The following ASB2 variants were observed in gnomAD, a reference collection of about 807,000 sequenced individuals.
ASB2 encodes ankyrin repeat and SOCS box protein 2.
Under a neutral mutation model 62.4 loss-of-function variants are expected in ASB2, and 58 were observed. The observed-to-expected ratio is 0.93, with a 90% CI of 0.75 to 1.16. ASB2 has a LOEUF of 1.16. ASB2 is among the 50% of genes most tolerant of loss of function. ASB2 has a pLI of 0.00. For synonymous variants in ASB2, 386 were observed against 385.3 expected (o/e 1.00, Z -0.02); for missense variants, 928 against 887.9 (o/e 1.05, Z -0.57).
rs1025482375 is a variant in ASB2 at position 93,941,633 on chromosome 14, G to A, written c.1053-1961C>T. ...AGGCCTGGGCCTCACCCTGGATGGC[G>A]GCCACGGCCAACAAATGCTCTGCTA... On this transcript the variant is annotated intron_variant, in intron 7 of 9. Transcript: ENST00000555019. 25 of 455,936 alleles carry A rather than the reference G, an allele frequency of 5.5e-5. 1 individual carries two copies. The highest frequency in any genetic ancestry group is 1.1e-4 in the South Asian group (7 of 64,566). 28.2% of individuals were successfully genotyped at this position (455,936 alleles called of 1,614,324 possible). A position where few individuals can be genotyped will look rare whatever the true frequency, so the allele number is the denominator to read the frequency against.
intron 1 of ASB2, among the ~76,000 whole-genome samples, chr14:93,971,946 C>T (rs534347214): frequency 3.1e-4 from 46 of 149,840 alleles, no homozygotes; most frequent in African/African-American, 1.0e-3. Flanking sequence ...ACTACATACA[C>T]GCTACATGTA....
intron 7 of ASB2, chr14:93,940,061 G>T (rs1178957668): frequency 4.9e-6 from 1 of 202,370 alleles, no homozygotes; most frequent in Non-Finnish European, 9.8e-6. Context: ...CAGGCTAAGC[G>T]CTGTTGCCCA....
At chr14:93,951,358 A>G in intron 5 of ASB2, 114 bp from the exon 6 acceptor site, 2 of 1,274,138 alleles carry the variant, frequency 1.6e-6, no homozygotes, top group Non-Finnish European at 2.1e-6. Flanking sequence ...TTTCCACTGC[A>G]TGTGTATTAA....
chr14:93,954,521 G>T, intron 3 of ASB2, 38 bp from the exon 4 acceptor site: 1 of 1,604,242 alleles, frequency 6.2e-7, no homozygotes, highest in South Asian at 1.1e-5. Flanking sequence ...TCAAGGTCAG[G>T]CCAAGGCCAG....
At chr14:93,965,890 TC>T (rs1889575052) in intron 1 of ASB2, among the ~76,000 whole-genome samples, 1 of 152,212 alleles carries the variant, frequency 6.6e-6, no homozygotes, top group Non-Finnish European at 1.5e-5. Flanking sequence ...GAGAAGAGCT[TC>T]CCACTGGAGC....
intron 1 of ASB2, among the ~76,000 whole-genome samples, chr14:93,975,392 G>A (rs138306817): frequency 6.6e-6 from 1 of 152,178 alleles, no homozygotes; most frequent in African/African-American, 2.4e-5. Context: ...AAGGGGAATG[G>A]GCCACTGAAA....
chr14:93,934,786 G>A lies in ASB2; in HGVS notation c.1778C>T (p.Pro593Leu), dbSNP rs1476321701. The change falls in exon 10 of 10, where the codon CCA becomes CTA. Residue 593 changes from proline (P) to leucine (L), a missense_variant. Physicochemically the swap from Pro to Leu is moderately conservative, Grantham distance 98. Coordinates refer to ENST00000555019, the MANE Select transcript of ASB2 (RefSeq NM_001202429.2). ...WAVIKEKAEP[P>L]RPLAHLCRLR... ...TCGGCAAAGGTGAGCCAGAGGTCTTGGAGGTTCTGAAAAAAGGAGGGAAAG... is the reference window on the plus strand; with the variant it reads ...TCGGCAAAGGTGAGCCAGAGGTCTTAGAGGTTCTGAAAAAAGGAGGGAAAG... 6.2e-7 allele frequency: 1 copy of A among 1,613,272 alleles called. No individual in the cohort carries two copies. Among genetic ancestry groups the A allele is most frequent in the South Asian group, 1.1e-5 (1 of 91,076 alleles).
At chr14:93,965,138 C>T (rs1889549073) in intron 1 of ASB2, among the ~76,000 whole-genome samples, 1 of 152,222 alleles carries the variant, frequency 6.6e-6, no homozygotes, top group African/African-American at 2.4e-5. Context: ...TCACATCCAC[C>T]CACCATACAT....
At chr14:93,955,892 C>G (rs1889177609) in intron 3 of ASB2, among the ~76,000 whole-genome samples, 2 of 152,176 alleles carry the variant, frequency 1.3e-5, no homozygotes. Flanking sequence ...GACAGCGACT[C>G]TCAGGCAGTC....
At chr14:93,952,303 C>T (rs974862190) in intron 5 of ASB2, among the ~76,000 whole-genome samples, 10 of 152,184 alleles carry the variant, frequency 6.6e-5, no homozygotes, top group Admixed American at 1.3e-4. Context: ...CTGTGGGCTG[C>T]CCAGCTTCCT....
intron 4 of ASB2, among the ~76,000 whole-genome samples, chr14:93,953,866 G>A (rs1455433268): frequency 4.6e-5 from 7 of 152,202 alleles, no homozygotes; most frequent in African/African-American, 1.7e-4. Flanking sequence ...CAGGGCAGAG[G>A]TGACACCTGC....
Position 93,954,322 on chromosome 14 carries a change from T to C in ASB2, c.473A>G (p.Gln158Arg), listed in dbSNP as rs1454466900. ...YGQVGCLKVL[Q>R]RAYPGTIDQR... ...CGTCAGAGCCCAGCCCTCACCTCGC[T>C]GCAGGACTTTCAGGCAGCCCACCTG... The change falls in exon 4 of 10, where the codon CAG becomes CGG. Residue 158 changes from glutamine (Q) to arginine (R), a missense_variant. Gln to Arg is a conservative substitution (Grantham distance 43). Coordinates refer to ENST00000555019, the MANE Select transcript of ASB2 (RefSeq NM_001202429.2). The C allele has an allele frequency of 6.8e-6, 11 of 1,613,214 alleles. No individual in the cohort carries two copies. Among genetic ancestry groups the C allele is most frequent in the Non-Finnish European group, 9.3e-6 (11 of 1,179,816 alleles).
At chr14:93,950,839 C>T (rs868638139) in intron 6 of ASB2, among the ~76,000 whole-genome samples, 160 bp downstream of exon 6, 1 of 152,188 alleles carries the variant, frequency 6.6e-6, no homozygotes. Context: ...TGGACACAGC[C>T]TCAGCATCTT....
rs1237689676 is a variant in ASB2 at position 93,939,424 on chromosome 14, C to A, written c.1301G>T (p.Gly434Val). 1 of 1,612,856 alleles carries A rather than the reference C, an allele frequency of 6.2e-7. No homozygotes were observed. The highest frequency in any genetic ancestry group is 2.2e-5 in the East Asian group (1 of 44,868). The change falls in exon 8 of 10, where the codon GGC (glycine) becomes GTC (valine). Residue 434 changes from glycine to valine, a missense_variant. Coordinates refer to ENST00000555019, the MANE Select transcript of ASB2 (RefSeq NM_001202429.2). ...GATGACGTCGCGGTTGGGGTCGGCG[C>A]CGTGTTGCAGCAGCAGCTCGGTGGC... ...VYATELLLQHGADPNRDVISP... is the reference protein window; with the variant it reads ...VYATELLLQHVADPNRDVISP...
intron 7 of ASB2, 73 bp downstream of exon 7, chr14:93,947,276 C>T (rs1306644067): frequency 1.9e-6 from 3 of 1,540,344 alleles, no homozygotes; most frequent in Non-Finnish European, 1.8e-6. Flanking sequence ...AGGGCAGGCC[C>T]ACCCCTCCAA....
intron 2 of ASB2, among the ~76,000 whole-genome samples, chr14:93,962,763 G>C (rs1449369250): frequency 1.3e-5 from 2 of 152,190 alleles, no homozygotes; most frequent in African/African-American, 4.8e-5. Context: ...GAGGGGACGT[G>C]CTGGCTTCAT....
intron 2 of ASB2, among the ~76,000 whole-genome samples, chr14:93,962,372 C>G (rs1313533273): frequency 6.6e-6 from 1 of 152,180 alleles, no homozygotes; most frequent in Non-Finnish European, 1.5e-5. Flanking sequence ...AACATTCTAT[C>G]TAAGGGGTTT....
chr14:93,972,999 C>A (rs1294650632), intron 1 of ASB2, among the ~76,000 whole-genome samples: 1 of 152,216 alleles, frequency 6.6e-6, no homozygotes, highest in Non-Finnish European at 1.5e-5. Context: ...TTCAAGCTCC[C>A]GGCTTTCGGG....
intron 1 of ASB2, among the ~76,000 whole-genome samples, chr14:93,966,107 G>A (rs754225609): frequency 9.2e-5 from 14 of 152,226 alleles, no homozygotes; most frequent in Non-Finnish European, 1.8e-4. Flanking sequence ...TCTTTCCAAG[G>A]CCAGCACCTT....
Sources: gnomAD v4.1 joint callset for allele counts (sites outside exome capture counted in the v4.1 genomes callset) on GRCh38, gnomAD v4.1.1 for gene constraint, MANE v1.5 for transcripts, NCBI Gene and HGNC (gene_info 2026-07-23, HGNC 2026-07-21) for gene names.